KCNA6: variants seen among roughly 807,000 people sequenced by gnomAD.
The protein encoded by KCNA6 is human brain potassium channel-2.
A neutral mutation model predicts 29.5 loss-of-function variants in KCNA6; 17 were observed. The ratio of observed to expected loss-of-function variants is 0.58; its 90% CI spans 0.39 to 0.86. The LOEUF (loss-of-function observed/expected upper bound fraction) is 0.86. KCNA6 is among the 40% of genes least tolerant of loss of function. The pLI is 0.00. For synonymous variants in KCNA6, 296 were observed against 304.7 expected, an observed-to-expected ratio of 0.97 and a Z score of 0.30; for missense variants, 450 against 703.4, an observed-to-expected ratio of 0.64 and a Z score of 4.07.
At chr12:4,827,634 A>G in the KCNA6 span, among the ~76,000 whole-genome samples, 1 of 152,224 alleles carries the variant, frequency 6.6e-6, no homozygotes, top group Non-Finnish European at 1.5e-5. Flanking sequence ...AGCAGTGAGC[A>G]GCCCCAAGGG....
the KCNA6 span, among the ~76,000 whole-genome samples, chr12:4,820,389 T>C: frequency 6.6e-6 from 1 of 151,970 alleles, no homozygotes; most frequent in Non-Finnish European, 1.5e-5. Flanking sequence ...GGGCAGTGAA[T>C]GCCTCTTTAG....
the KCNA6 span, among the ~76,000 whole-genome samples, chr12:4,822,814 G>C: frequency 6.6e-6 from 1 of 152,308 alleles, no homozygotes; most frequent in African/African-American, 2.4e-5. Context: ...CTGTGCATCT[G>C]TCTGGTTGCT....
the KCNA6 span, among the ~76,000 whole-genome samples, chr12:4,837,153 G>A: frequency 6.6e-6 from 1 of 152,138 alleles, no homozygotes; most frequent in Non-Finnish European, 1.5e-5. Flanking sequence ...ATGTAATGAA[G>A]CCTCCATAAA....
the KCNA6 span, among the ~76,000 whole-genome samples, chr12:4,841,683 T>C: frequency 6.6e-6 from 1 of 152,330 alleles, no homozygotes; most frequent in African/African-American, 2.4e-5. Flanking sequence ...ACATGATCTT[T>C]TGCACACTTT....
At chr12:4,845,535 G>GA in the KCNA6 span, among the ~76,000 whole-genome samples, 5 of 152,132 alleles carry the variant, frequency 3.3e-5, no homozygotes, top group Non-Finnish European at 5.9e-5. Context: ...ACGGTTCCTA[G>GA]AAAAAACAGA....
At chr12:4,814,235 C>A (rs901224392), downstream of KCNA6, 1 of 167,074 alleles carries the variant, frequency 6.0e-6, no homozygotes, top group Non-Finnish European at 1.5e-5. This position sits in a 1 kb window ranked among gnomAD's most constrained non-coding sequence, Gnocchi z 4.6. Flanking sequence ...CCAGTTAAAC[C>A]AACGTCAGTA....
chr12:4,824,594 C>T, the KCNA6 span, among the ~76,000 whole-genome samples: 2 of 152,094 alleles, frequency 1.3e-5, no homozygotes, highest in East Asian at 1.9e-4. Flanking sequence ...CCGAGATCAG[C>T]GAGAACTTCC....
At chr12:4,847,025 C>A in the KCNA6 span, among the ~76,000 whole-genome samples, 1 of 151,582 alleles carries the variant, frequency 6.6e-6, no homozygotes, top group African/African-American at 2.4e-5. Context: ...ACCTCGTGAT[C>A]CACCTGCCTT....
chr12:4,822,166 T>C, the KCNA6 span, among the ~76,000 whole-genome samples: 1 of 152,152 alleles, frequency 6.6e-6, no homozygotes, highest in African/African-American at 2.4e-5. Flanking sequence ...CCCCTAGCCA[T>C]GTTTTTTCAT....
the KCNA6 span, among the ~76,000 whole-genome samples, chr12:4,825,851 T>C: frequency 1.3e-5 from 2 of 152,366 alleles, no homozygotes; most frequent in Admixed American, 1.3e-4. Flanking sequence ...GTCGTCTGCA[T>C]GGCTTTTGCC....
At chr12:4,851,107 G>C in the KCNA6 span, 3 of 232,050 alleles carry the variant, frequency 1.3e-5, no homozygotes, top group Non-Finnish European at 2.7e-5. Context: ...ACAAGGCAAA[G>C]TCTCAGAGGC....
the KCNA6 span, among the ~76,000 whole-genome samples, chr12:4,842,051 GTGTGTGTGTGTC>G: frequency 6.7e-6 from 1 of 149,678 alleles, no homozygotes; most frequent in African/African-American, 2.5e-5. Flanking sequence ...GTGTGTGTGT[GTGTGTGTGTGTC>G]TGCTGATGAG....
At chr12:4,832,518 A>G in the KCNA6 span, among the ~76,000 whole-genome samples, 1 of 152,168 alleles carries the variant, frequency 6.6e-6, no homozygotes, top group Non-Finnish European at 1.5e-5. Flanking sequence ...TGCAGAGGAC[A>G]TTGGCTTGTA....
chr12:4,827,911 T>G, the KCNA6 span, among the ~76,000 whole-genome samples: 3 of 152,264 alleles, frequency 2.0e-5, no homozygotes, highest in African/African-American at 7.2e-5. Flanking sequence ...GGGCTCCTAA[T>G]GTGCTGTTTG....
the KCNA6 span, among the ~76,000 whole-genome samples, chr12:4,835,420 C>T: frequency 1.1e-4 from 16 of 152,298 alleles, no homozygotes; most frequent in African/African-American, 3.6e-4. Flanking sequence ...GGGCTTGAGC[C>T]ACCACACCTG....
the KCNA6 span, among the ~76,000 whole-genome samples, chr12:4,849,954 G>A: frequency 6.6e-6 from 1 of 152,346 alleles, no homozygotes; most frequent in South Asian, 2.1e-4. Flanking sequence ...AGAGACACAC[G>A]CATTGTGTCA....
At chr12:4,848,250 T>TTG in the KCNA6 span, among the ~76,000 whole-genome samples, 104,153 of 151,334 alleles carry the variant, frequency 0.69, 36,601 homozygotes, top group African/African-American at 0.76. Flanking sequence ...CCTGCTTCTG[T>TTG]CAACTGACAC....
the KCNA6 span, among the ~76,000 whole-genome samples, chr12:4,826,126 C>T: frequency 6.6e-6 from 1 of 152,186 alleles, no homozygotes; most frequent in African/African-American, 2.4e-5. Flanking sequence ...GTCCTTTCTC[C>T]CAAGGCATTT....
At chr12:4,836,406 AG>A in the KCNA6 span, among the ~76,000 whole-genome samples, 4 of 152,110 alleles carry the variant, frequency 2.6e-5, no homozygotes, top group East Asian at 1.9e-4. Flanking sequence ...TTGGCACTGG[AG>A]GGGGTCAGGG....
Sources: allele counts gnomAD v4.1 joint callset (sites outside exome capture counted in the v4.1 genomes callset), GRCh38; gene constraint gnomAD v4.1.1; non-coding constraint Gnocchi (gnomAD v3.1); transcripts MANE v1.5; gene names NCBI Gene and HGNC (gene_info 2026-07-23, HGNC 2026-07-21).